MYO1C: variants seen among roughly 807,000 people sequenced by gnomAD.
MYO1C encodes the protein unconventional myosin-Ic.
In MYO1C, 104 loss-of-function variants were observed where a neutral mutation model predicts 150.8. The observed-to-expected ratio is 0.69, with a 90% confidence interval of 0.59 to 0.81. MYO1C has a LOEUF of 0.81. Ranked by LOEUF, MYO1C falls within the 30% of genes least tolerant of loss-of-function variation. The pLI is 0.00. For missense variants in MYO1C, 1,504 were observed against 1,435.0 expected (o/e 1.05, Z -0.78); for synonymous variants, 663 against 579.9 (o/e 1.14, Z -2.06).
chr17:1,470,574 C>G (rs200771137), intron 22 of MYO1C, 47 bp downstream of exon 22: 17 of 1,584,478 alleles, frequency 1.1e-5, no homozygotes, highest in Admixed American at 3.5e-5. Context: ...GGTGGCCCCC[C>G]CTGGCCCCAG....
chr17:1,491,450 C>T, intron 1 of MYO1C: 1 of 157,546 alleles, frequency 6.3e-6, no homozygotes. Context: ...TCGTGGGACC[C>T]CCCCCCCCCG....
chr17:1,470,956 TG>T, intron 21 of MYO1C, 114 bp downstream of exon 21: 3 of 1,201,072 alleles, frequency 2.5e-6, no homozygotes, highest in Non-Finnish European at 2.4e-6. Context: ...GAGCTGGGCG[TG>T]GGGCTGGAGC....
At chr17:1,485,800 C>CCCGCCCCCGCA in intron 1 of MYO1C, 1 of 644,148 alleles carries the variant, frequency 1.6e-6, no homozygotes, top group Non-Finnish European at 2.0e-6. Context: ...CGAGGGAGGG[C>CCCGCCCCCGCA]CCGCCCCCCG....
rs1273475526 is a variant in MYO1C at position 1,482,947 on chromosome 17, G to C, written c.460C>G (p.Leu154Val). ...AGKTEATKRL[L>V]QFYAETCPAP... ...GGGCAGGTCTCTGCATAGAACTGCA[G>C]CAGCCTCTTGGTGGCCTCGGTCTTG... The change falls in exon 4 of 32, where the codon CTG becomes GTG. Residue 154 changes from leucine (L) to valine (V), a missense_variant. Physicochemically the swap from Leu to Val is conservative, Grantham distance 32 (BLOSUM62 1). Transcript: ENST00000648651. 6.2e-7 allele frequency: 1 copy of C among 1,602,388 alleles called. No individual in the cohort carries two copies. Among genetic ancestry groups the C allele is most frequent in the Non-Finnish European group, 8.5e-7 (1 of 1,175,642 alleles).
At chr17:1,470,081 G>A (rs2074267785) in intron 24 of MYO1C, 94 bp downstream of exon 24, 3 of 1,337,264 alleles carry the variant, frequency 2.2e-6, no homozygotes, top group Non-Finnish European at 3.1e-6. Flanking sequence ...GGCCCTCCGT[G>A]AGCCCTCCCT....
At position 1,465,563 on chromosome 17, in the gene MYO1C, T is replaced by C; in HGVS notation, c.*163A>G. On this transcript the variant is annotated 3_prime_UTR_variant, in exon 32 of 32. Coordinates refer to ENST00000648651, the MANE Select transcript of MYO1C (RefSeq NM_001080779.2). Reference sequence around the variant, plus strand: ...CACTCCTGGGGTAGCTCCTGGCCCCTGCTGCTCCCTCAAGAGAGGGATGGG... The same window carrying C: ...CACTCCTGGGGTAGCTCCTGGCCCCCGCTGCTCCCTCAAGAGAGGGATGGG... 1.3e-6 allele frequency: 1 copy of C among 771,024 alleles called. No individual in the cohort carries two copies. The highest frequency in any genetic ancestry group is 1.9e-6 in the Non-Finnish European group (1 of 535,048). The allele number at this position is 771,024 out of a possible 1,614,324, so 47.8% of individuals were successfully genotyped here.
chr17:1,490,990 G>C (rs1320353506), intron 1 of MYO1C: 1 of 152,382 alleles, frequency 6.6e-6, no homozygotes, highest in Non-Finnish European at 1.5e-5. Flanking sequence ...TCCCAAACAC[G>C]CAGCGCCTCC....
rs762480565 is a variant in MYO1C, at chr17:1,472,234, G to A, written c.1798-6C>T. 9 of 1,613,534 alleles carry A rather than the reference G, an allele frequency of 5.6e-6. No individual in the cohort carries two copies. The highest frequency in any genetic ancestry group is 4.0e-5 in the African/African-American group (3 of 74,922). ...ATCTTGAACTGGGTGGCGACCTGGC[G>A]AGCCAAGAGGCATGGGAGGTTGGCC... On this transcript the variant is annotated splice_polypyrimidine_tract_variant and splice_region_variant and intron_variant, in intron 17 of 31. Coordinates refer to ENST00000648651, the MANE Select transcript of MYO1C (RefSeq NM_001080779.2).
rs942455117 is a variant in MYO1C at position 1,470,340 on chromosome 17, G to A, written c.2367-6C>T. ...GGACGAAGCCTCGGATGAGCCTGGG[G>A]TGGGGGGCCAGACAGGGTTGGGGGT... On this transcript the variant is annotated splice_region_variant and splice_polypyrimidine_tract_variant and intron_variant, in intron 23 of 31. Coordinates refer to ENST00000648651, the MANE Select transcript of MYO1C (RefSeq NM_001080779.2). 4 of 1,540,680 alleles carry A rather than the reference G, an allele frequency of 2.6e-6. No homozygotes were observed. In the Admixed American group the frequency reaches 7.8e-5, roughly 30 times the overall value.
chr17:1,479,482 C>A lies in MYO1C; in HGVS notation c.1041G>T (p.Ser347=). 1.3e-6 allele frequency: 2 copies of A among 1,518,342 alleles called. No homozygotes were observed. Among genetic ancestry groups the A allele is most frequent in the Non-Finnish European group, 8.9e-7 (1 of 1,117,838 alleles). The allele number at this position is 1,518,342 out of a possible 1,614,324, so 94.1% of individuals were successfully genotyped here. ...TGTGTGTCAGGGCTTCTCGCAGCGTCGAGCCTTCCACGCTGAGGAGCTGCC... is the reference window on the plus strand; with the variant it reads ...TGTGTGTCAGGGCTTCTCGCAGCGTAGAGCCTTCCACGCTGAGGAGCTGCC... ...YLTRLLSVEG[S]TLREALTHRK... The change falls in exon 9 of 32, where the codon TCG becomes TCT. Residue 347 remains serine (S), a synonymous_variant. Transcript: ENST00000648651. The surrounding 1 kb of genome is among the most constrained non-coding windows in gnomAD (Gnocchi z 4.2).
chr17:1,484,661 G>A (rs945388826), intron 1 of MYO1C: 2 of 458,528 alleles, frequency 4.4e-6, no homozygotes, highest in Non-Finnish European at 8.1e-6. Flanking sequence ...AGAAAGGGGG[G>A]GTCACAAGAA....
chr17:1,484,206 G>T lies in MYO1C; in HGVS notation c.173C>A (p.Thr58Asn), dbSNP rs1469127436. 2.5e-6 allele frequency: 4 copies of T among 1,613,010 alleles called. No individual in the cohort carries two copies. Among genetic ancestry groups the T allele is most frequent in the Non-Finnish European group, 3.4e-6 (4 of 1,180,028 alleles). ...GTTCTCGATGAAGGCGGCCTCGCTG[G>T]TGAAGTTCTCCAGCAGCACGAAATC... ...VQDFVLLENF[T>N]SEAAFIENLR... The change falls in exon 2 of 32, where the codon ACC becomes AAC. Residue 58 changes from threonine to asparagine, a missense_variant. Coordinates refer to ENST00000648651, the MANE Select transcript of MYO1C (RefSeq NM_001080779.2).
intron 1 of MYO1C, 147 bp downstream of exon 1, chr17:1,492,266 C>T: frequency 1.3e-6 from 1 of 770,398 alleles, no homozygotes; most frequent in Non-Finnish European, 2.2e-6. Context: ...TCCACTCACC[C>T]CGTCTTGTTC....
chr17:1,483,061 T>G lies in MYO1C; in HGVS notation c.348-2A>C, dbSNP rs770401982. On this transcript the variant is annotated splice_acceptor_variant, in intron 3 of 31. Coordinates refer to ENST00000648651, the MANE Select transcript of MYO1C (RefSeq NM_001080779.2). LOFTEE classifies it high-confidence loss of function. ...TACACAGTGTCCGCCACGGCAAACC[T>G]GGGGCGGAGGCTCGTCAGGGAGTTT... 1.3e-6 allele frequency: 2 copies of G among 1,599,704 alleles called. No individual in the cohort carries two copies. The highest frequency in any genetic ancestry group is 1.1e-5 in the South Asian group (1 of 89,236).
rs1205609713 is a variant in MYO1C, at chr17:1,492,638, G to A, written c.-151C>T. 2 of 730,860 alleles carry A rather than the reference G, an allele frequency of 2.7e-6. No homozygotes were observed. The highest frequency in any genetic ancestry group is 1.7e-5 in the African/African-American group (1 of 57,778). 45.3% of individuals were successfully genotyped at this position (730,860 alleles called of 1,614,324 possible). ...TTCTGCTTCAACTGCAGCCCCAGGGGATGTGGCTGGTCCAGCTCCTCAGGA... is the reference window on the plus strand; with the variant it reads ...TTCTGCTTCAACTGCAGCCCCAGGGAATGTGGCTGGTCCAGCTCCTCAGGA... On this transcript the variant is annotated 5_prime_UTR_variant, in exon 1 of 32. Coordinates refer to ENST00000648651, the MANE Select transcript of MYO1C (RefSeq NM_001080779.2).
Position 1,479,537 on chromosome 17 carries a change from A to ACCCCCCCCCCCCCCCCCCCCCCCCCC in MYO1C, c.1021-36_1021-35insGGGGGGGGGGGGGGGGGGGGGGGGGG. ...GCAGGCGAGGACACGGTGAGGGTGC[A>ACCCCCCCCCCCCCCCCCCCCCCCCCC]CCCCCAGCCCCCGCCCCCGCCGTCC... On this transcript the variant is annotated intron_variant, in intron 8 of 31. Transcript: ENST00000648651. The surrounding 1 kb of genome is among the most constrained non-coding windows in gnomAD (Gnocchi z 4.2). The ACCCCCCCCCCCCCCCCCCCCCCCCCC allele has an allele frequency of 1.4e-6, 2 of 1,470,826 alleles. No homozygotes were observed. The highest frequency in any genetic ancestry group is 1.9e-6 in the Non-Finnish European group (2 of 1,072,234). 91.1% of individuals were successfully genotyped at this position (1,470,826 alleles called of 1,614,324 possible).
In MYO1C at chr17:1,471,791, G is replaced by A; in HGVS notation, c.2021+116C>T. The A allele has an allele frequency of 3.6e-6, 4 of 1,119,016 alleles. No homozygotes were observed. In the South Asian group the frequency reaches 5.1e-5, roughly 14 times the overall value. 69.3% of individuals were successfully genotyped at this position (1,119,016 alleles called of 1,614,324 possible). Reference sequence around the variant, plus strand: ...GGGCCTCCACCAAGGGCAGCCCAGGGCCTCCGCATCCGCATTTCTAAAATG... The same window carrying A: ...GGGCCTCCACCAAGGGCAGCCCAGGACCTCCGCATCCGCATTTCTAAAATG... On this transcript the variant is annotated intron_variant, in intron 19 of 31. Coordinates refer to ENST00000648651, the MANE Select transcript of MYO1C (RefSeq NM_001080779.2).
At chr17:1,481,695 T>G (rs1178295135) in intron 5 of MYO1C, among the ~76,000 whole-genome samples, 1 of 151,544 alleles carries the variant, frequency 6.6e-6, no homozygotes, top group African/African-American at 2.4e-5. Flanking sequence ...GAGGCAGGGT[T>G]TCACCATGTT....
chr17:1,474,737 G>T, intron 16 of MYO1C, 47 bp from the exon 17 acceptor site: 6 of 1,613,374 alleles, frequency 3.7e-6, no homozygotes, highest in Non-Finnish European at 5.1e-6. Context: ...GGACAGGCAG[G>T]ACAGGCTCCT....
Sources: allele counts gnomAD v4.1 joint callset (sites outside exome capture counted in the v4.1 genomes callset), GRCh38; gene constraint gnomAD v4.1.1; non-coding constraint Gnocchi (gnomAD v3.1); transcripts MANE v1.5; gene names NCBI Gene and HGNC (gene_info 2026-07-23, HGNC 2026-07-21).